LRRIQ1: variants seen among roughly 807,000 people sequenced by gnomAD.
The protein encoded by LRRIQ1 is leucine rich repeats and IQ motif containing 1, also known as leucine-rich repeat- and IQ domain-containing protein 1.
LRRIQ1 carries 210 observed loss-of-function variants against 211.9 expected under a neutral mutation model. That is an observed-to-expected ratio of 0.99 (90% CI 0.89 to 1.11). LRRIQ1 has a LOEUF of 1.11. LRRIQ1 is among the 50% of genes most tolerant of loss of function. The probability of loss-of-function intolerance (pLI) is 0.00; values close to 1 mark genes in which losing one functional copy is unlikely to be tolerated. For missense variants in LRRIQ1, 2,136 were observed against 1,939.5 expected (o/e 1.10, Z -1.90); for synonymous variants, 699 against 650.1 (o/e 1.08, Z -1.14).
intron 11 of LRRIQ1, among the ~76,000 whole-genome samples, chr12:85,090,879 A>G (rs1314442473): frequency 1.3e-5 from 2 of 152,138 alleles, no homozygotes; most frequent in Admixed American, 6.6e-5. Flanking sequence ...GGGTGGATAA[A>G]TATCTAAATA....
chr12:85,142,859 AT>A (rs1278913299), intron 19 of LRRIQ1, among the ~76,000 whole-genome samples: 15 of 151,580 alleles, frequency 9.9e-5, no homozygotes, highest in African/African-American at 3.6e-4. Context: ...TCATGTATCC[AT>A]TGATGGACAC....
intron 24 of LRRIQ1, among the ~76,000 whole-genome samples, chr12:85,173,955 A>G (rs1891554001): frequency 6.6e-6 from 1 of 152,122 alleles, no homozygotes; most frequent in African/African-American, 2.4e-5. Flanking sequence ...AGGTATTACA[A>G]TATAGGACTC....
intron 24 of LRRIQ1, among the ~76,000 whole-genome samples, chr12:85,167,118 A>G (rs1238576126): frequency 6.6e-6 from 1 of 152,184 alleles, no homozygotes; most frequent in Non-Finnish European, 1.5e-5. Flanking sequence ...CAATCCAGAA[A>G]AATCTCTTCA....
chr12:85,060,387 T>G (rs1048603908), intron 8 of LRRIQ1, among the ~76,000 whole-genome samples: 6 of 152,000 alleles, frequency 3.9e-5, no homozygotes, highest in African/African-American at 1.2e-4. Flanking sequence ...GTTTTAACTA[T>G]TTTTTATTTT....
downstream of LRRIQ1, among the ~76,000 whole-genome samples, chr12:85,245,335 G>A (rs374454941): frequency 6.6e-6 from 1 of 151,042 alleles, no homozygotes; most frequent in South Asian, 2.1e-4. Flanking sequence ...AAATAGAAGA[G>A]CTTTAAATAA....
intron 15 of LRRIQ1, among the ~76,000 whole-genome samples, chr12:85,114,742 A>G (rs577699500): frequency 6.6e-6 from 1 of 152,148 alleles, no homozygotes; most frequent in Admixed American, 6.5e-5. Context: ...GACTAGAGTA[A>G]TTCCCACTTT....
chr12:85,153,754 G>A lies in LRRIQ1; in HGVS notation c.4633G>A (p.Glu1545Lys). The A allele has an allele frequency of 2.0e-6, 3 of 1,537,292 alleles. No individual in the cohort carries two copies. Among genetic ancestry groups the A allele is most frequent in the Middle Eastern group, 1.7e-4 (1 of 5,822 alleles). Residue 1545 changes from glutamate (E) to lysine (K), a missense_variant, in exon 22 of 27, where the codon GAA becomes AAA. Transcript: ENST00000393217. ...TGAAAAAGAAAAAAAAATTTCAGAA[G>A]AATGGTATGTAGTCAATTTGACACT... ...KSEKEKKISE[E>K]WGFKDISTAQ... is the part of the protein sequence containing the mutation.
At chr12:85,130,137 AAC>A (rs1888650282) in intron 18 of LRRIQ1, among the ~76,000 whole-genome samples, 1 of 152,196 alleles carries the variant, frequency 6.6e-6, no homozygotes, top group Admixed American at 6.5e-5. Flanking sequence ...TTTCAAGAGA[AAC>A]ACCTTTGCTG....
At chr12:85,060,836 GAAT>G (rs1881707158) in intron 8 of LRRIQ1, among the ~76,000 whole-genome samples, 1 of 151,798 alleles carries the variant, frequency 6.6e-6, no homozygotes, top group Non-Finnish European at 1.5e-5. Flanking sequence ...TTGAACTCAA[GAAT>G]AATTGAGAAT....
At chr12:85,244,630 T>C (rs1895631210) in intron 26 of LRRIQ1, among the ~76,000 whole-genome samples, 159 bp from the exon 27 acceptor site, 1 of 151,776 alleles carries the variant, frequency 6.6e-6, no homozygotes, top group South Asian at 2.1e-4. Context: ...TTTGACATAG[T>C]GCATTTGTTC....
chr12:85,164,742 T>C (rs1330962797), intron 24 of LRRIQ1, among the ~76,000 whole-genome samples: 1 of 152,098 alleles, frequency 6.6e-6, no homozygotes, highest in Admixed American at 6.5e-5. Context: ...GGTTTCTACA[T>C]AGAAAACAAG....
intron 16 of LRRIQ1, 134 bp from the exon 17 acceptor site, chr12:85,123,936 A>G (rs1888168097): frequency 1.6e-6 from 1 of 630,710 alleles, no homozygotes; most frequent in Admixed American, 3.2e-5. Flanking sequence ...ACAACTAGAA[A>G]TAATCTATAA....
At chr12:85,243,543 T>C (rs964604523) in intron 26 of LRRIQ1, among the ~76,000 whole-genome samples, 41 of 151,036 alleles carry the variant, frequency 2.7e-4, no homozygotes, top group African/African-American at 9.9e-4. Flanking sequence ...GAGCAATACT[T>C]GCTTACTTAA....
At chr12:85,149,787 C>T (rs76564315) in intron 19 of LRRIQ1, among the ~76,000 whole-genome samples, 2 of 151,640 alleles carry the variant, frequency 1.3e-5, no homozygotes, top group African/African-American at 4.8e-5. Flanking sequence ...TTATATAAAA[C>T]CTTCTCTTTA....
chr12:85,077,403 A>C (rs1346972607), intron 11 of LRRIQ1, among the ~76,000 whole-genome samples: 1 of 152,240 alleles, frequency 6.6e-6, no homozygotes, highest in Non-Finnish European at 1.5e-5. Context: ...ATATTTAACC[A>C]GTAAGCTAAA....
chr12:85,074,395 A>G (rs759209994), intron 11 of LRRIQ1, among the ~76,000 whole-genome samples: 9 of 152,010 alleles, frequency 5.9e-5, no homozygotes, highest in Admixed American at 2.0e-4. Context: ...TAATCATATC[A>G]TGGAAAATGG....
At chr12:85,071,329 T>C (rs907949975) in intron 10 of LRRIQ1, among the ~76,000 whole-genome samples, 3 of 152,014 alleles carry the variant, frequency 2.0e-5, no homozygotes, top group African/African-American at 7.2e-5. Context: ...CTGTTCTTTG[T>C]CTTGCTTTTT....
intron 8 of LRRIQ1, among the ~76,000 whole-genome samples, chr12:85,062,298 C>A (rs893014838): frequency 5.9e-5 from 9 of 151,828 alleles, no homozygotes; most frequent in Middle Eastern, 3.4e-3. Flanking sequence ...AACCTGTCAC[C>A]CAGGTAGTGA....
At chr12:85,262,903 A>G (rs931888781) in intron 1 of LRRIQ1, 17 of 968,484 alleles carry the variant, frequency 1.8e-5, no homozygotes, top group South Asian at 9.5e-5. Flanking sequence ...TATATTTAAT[A>G]TCACTGTCTA....
Sources: allele counts gnomAD v4.1 joint callset (sites outside exome capture counted in the v4.1 genomes callset), GRCh38; gene constraint gnomAD v4.1.1; transcripts MANE v1.5; gene names NCBI Gene and HGNC (gene_info 2026-07-23, HGNC 2026-07-21).